STAG1: variants seen among roughly 807,000 people sequenced by gnomAD.
The protein encoded by STAG1 is cohesin subunit SA-1.
In STAG1, 26 loss-of-function variants were observed where a neutral mutation model predicts 170.9. That is an observed-to-expected ratio of 0.15 (90% CI 0.11 to 0.21). STAG1 has a LOEUF of 0.21. STAG1 is among the 10% of genes least tolerant of loss of function. The pLI, the probability that STAG1 is intolerant of heterozygous loss-of-function variation, is 1.00. For synonymous variants in STAG1, 514 were observed against 497.7 expected (o/e 1.03, Z -0.44); for missense variants, 964 against 1,509.5 (o/e 0.64, Z 5.99).
chr3:136,449,575 AG>A (rs1271134831), intron 14 of STAG1, among the ~76,000 whole-genome samples: 2 of 151,882 alleles, frequency 1.3e-5, no homozygotes, highest in East Asian at 3.9e-4. Flanking sequence ...AAAAAAAAGA[AG>A]GAAAAAAAAG....
At chr3:136,620,394 A>G (rs1939790679) in intron 3 of STAG1, among the ~76,000 whole-genome samples, 1 of 152,224 alleles carries the variant, frequency 6.6e-6, no homozygotes, top group African/African-American at 2.4e-5. Context: ...TCTGACAATT[A>G]TAACTCTCAA....
chr3:136,707,447 C>T (rs982213261), intron 1 of STAG1, among the ~76,000 whole-genome samples: 1 of 152,164 alleles, frequency 6.6e-6, no homozygotes, highest in Non-Finnish European at 1.5e-5. Context: ...TGTTCAACTT[C>T]ATCGGTCATT....
chr3:136,527,507 G>C (rs1935104211), intron 6 of STAG1, among the ~76,000 whole-genome samples: 1 of 151,758 alleles, frequency 6.6e-6, no homozygotes, highest in Non-Finnish European at 1.5e-5. Flanking sequence ...GTCTTTTTTT[G>C]GTTTTCAGCT....
At chr3:136,741,245 A>T (rs1010979431) in intron 1 of STAG1, among the ~76,000 whole-genome samples, 1 of 152,242 alleles carries the variant, frequency 6.6e-6, no homozygotes, top group African/African-American at 2.4e-5. Context: ...GGAGCTCAGA[A>T]ATCTGATGCA....
intron 23 of STAG1, among the ~76,000 whole-genome samples, chr3:136,371,412 A>C (rs1417964269): frequency 1.3e-5 from 2 of 152,178 alleles, no homozygotes; most frequent in African/African-American, 4.8e-5. Flanking sequence ...TTGGTGTTTT[A>C]GACATGAAGT....
chr3:136,590,449 C>T (rs1208129483), intron 4 of STAG1, among the ~76,000 whole-genome samples: 11 of 144,622 alleles, frequency 7.6e-5, no homozygotes, highest in Non-Finnish European at 1.1e-4. Context: ...GCTGAGATCG[C>T]GCCACTGCAC....
chr3:136,498,225 T>TAC (rs1238657418), intron 9 of STAG1, among the ~76,000 whole-genome samples: 1 of 56,726 alleles, frequency 1.8e-5, no homozygotes, highest in African/African-American at 7.8e-5. Context: ...TATATATATA[T>TAC]ATATATATAC....
At chr3:136,589,649 A>C (rs1022529111) in intron 4 of STAG1, among the ~76,000 whole-genome samples, 2 of 145,070 alleles carry the variant, frequency 1.4e-5, no homozygotes, top group Admixed American at 1.4e-4. Flanking sequence ...AAAAAAAAAA[A>C]GCCAAATGCA....
At chr3:136,518,202 T>C (rs761694826) in intron 7 of STAG1, 14 of 429,748 alleles carry the variant, frequency 3.3e-5, no homozygotes, top group Non-Finnish European at 2.1e-5. Context: ...TGATGACTTA[T>C]GAAGCTCTGG....
At chr3:136,536,327 A>T (rs833752) in intron 6 of STAG1, among the ~76,000 whole-genome samples, 1 of 151,966 alleles carries the variant, frequency 6.6e-6, no homozygotes, top group African/African-American at 2.4e-5. Flanking sequence ...AGCCAGAAAC[A>T]AATTATATGA....
intron 4 of STAG1, among the ~76,000 whole-genome samples, chr3:136,574,800 T>A (rs941014353): frequency 6.6e-6 from 1 of 152,150 alleles, no homozygotes; most frequent in Non-Finnish European, 1.5e-5. Context: ...GTATAGAAGA[T>A]AGGGATAAAA....
chr3:136,413,468 T>C (rs1367389836), intron 21 of STAG1, among the ~76,000 whole-genome samples: 4 of 151,266 alleles, frequency 2.6e-5, no homozygotes, highest in Non-Finnish European at 4.4e-5. Context: ...TTATTATTAT[T>C]TTTTTTTGAG....
chr3:136,702,937 G>A (rs970510714), intron 1 of STAG1, among the ~76,000 whole-genome samples: 25 of 151,370 alleles, frequency 1.7e-4, no homozygotes, highest in Non-Finnish European at 2.2e-4. Context: ...GCATGGTGGC[G>A]CACACCTGTA....
At chr3:136,370,435 G>C (rs934594492) in intron 23 of STAG1, among the ~76,000 whole-genome samples, 1 of 152,124 alleles carries the variant, frequency 6.6e-6, no homozygotes, top group Non-Finnish European at 1.5e-5. Flanking sequence ...AGGTATACAT[G>C]TGCCATGTTG....
chr3:136,601,586 G>A (rs867354172), intron 4 of STAG1, among the ~76,000 whole-genome samples: 14 of 152,044 alleles, frequency 9.2e-5, no homozygotes, highest in East Asian at 5.8e-4. Flanking sequence ...AGGGTGAGGC[G>A]GGCAGACCAC....
intron 4 of STAG1, among the ~76,000 whole-genome samples, chr3:136,595,324 C>T (rs1033142003): frequency 6.6e-6 from 1 of 152,144 alleles, no homozygotes; most frequent in East Asian, 1.9e-4. Flanking sequence ...AGTCAAACAA[C>T]TAGGGACCAC....
intron 9 of STAG1, among the ~76,000 whole-genome samples, chr3:136,487,537 G>T (rs572761221): frequency 6.6e-6 from 1 of 152,148 alleles, no homozygotes; most frequent in Non-Finnish European, 1.5e-5. Flanking sequence ...TTGACCATGT[G>T]GGGCCAGAGA....
At chr3:136,688,534 G>A (rs1942615092) in intron 1 of STAG1, among the ~76,000 whole-genome samples, 1 of 152,110 alleles carries the variant, frequency 6.6e-6, no homozygotes, top group African/African-American at 2.4e-5. Flanking sequence ...TGCGATTACA[G>A]GCGCATGTCA....
intron 1 of STAG1, among the ~76,000 whole-genome samples, chr3:136,694,218 T>C (rs1176432189): frequency 6.6e-6 from 1 of 152,120 alleles, no homozygotes; most frequent in Non-Finnish European, 1.5e-5. Flanking sequence ...CCCAATATCG[T>C]AGGCCAGAAG....
Sources: gnomAD v4.1 joint callset for allele counts (sites outside exome capture counted in the v4.1 genomes callset) on GRCh38, gnomAD v4.1.1 for gene constraint, MANE v1.5 for transcripts, NCBI Gene and HGNC (gene_info 2026-07-23, HGNC 2026-07-21) for gene names.